CDK15: variants seen among roughly 807,000 people sequenced by gnomAD.
CDK15 encodes cyclin-dependent kinase 15.
In CDK15, 62 loss-of-function variants were observed where a neutral mutation model predicts 60.3. The ratio of observed to expected loss-of-function variants is 1.03; its 90% CI spans 0.84 to 1.27. CDK15 has a LOEUF of 1.27. CDK15 is among the 50% of genes most tolerant of loss of function. CDK15 has a pLI of 0.00. For synonymous variants in CDK15, 194 were observed against 195.7 expected, an observed-to-expected ratio of 0.99 and a Z score of 0.07; for missense variants, 541 against 527.8, an observed-to-expected ratio of 1.03 and a Z score of -0.25.
chr2:201,810,837 CTTTTTTT>C (rs199591982), intron 3 of CDK15, among the ~76,000 whole-genome samples: 26 of 123,640 alleles, frequency 2.1e-4, no homozygotes, highest in South Asian at 4.7e-4. Flanking sequence ...GGTATGCACT[CTTTTTTT>C]TTTTTTTTTT....
intron 12 of CDK15, among the ~76,000 whole-genome samples, chr2:201,881,138 A>G (rs775947185): frequency 9.2e-5 from 14 of 152,116 alleles, no homozygotes; most frequent in East Asian, 1.9e-4. Flanking sequence ...CTACTGCCCA[A>G]GAGGTGTGGA....
chr2:201,891,816 C>G (rs1163613105), intron 13 of CDK15, among the ~76,000 whole-genome samples: 1 of 152,134 alleles, frequency 6.6e-6, no homozygotes, highest in Admixed American at 6.5e-5. Context: ...CCAGCCTGCC[C>G]GCCCTTTAGG....
At chr2:201,820,555 C>T (rs1696175050) in intron 4 of CDK15, among the ~76,000 whole-genome samples, 1 of 152,212 alleles carries the variant, frequency 6.6e-6, no homozygotes. Flanking sequence ...GGTTGAGATA[C>T]TCTCCAGAGC....
At chr2:201,852,217 C>T (rs1407212956) in intron 9 of CDK15, among the ~76,000 whole-genome samples, 1 of 152,246 alleles carries the variant, frequency 6.6e-6, no homozygotes, top group East Asian at 1.9e-4. Flanking sequence ...TTGTGTTTTA[C>T]TAAACGTAGC....
chr2:201,812,055 TC>T (rs1695792288), intron 3 of CDK15, among the ~76,000 whole-genome samples: 1 of 151,422 alleles, frequency 6.6e-6, no homozygotes, highest in Non-Finnish European at 1.5e-5. Flanking sequence ...TCCCCTGTAA[TC>T]CCAGCTTCTT....
chr2:201,822,604 A>G (rs543049884), intron 4 of CDK15, among the ~76,000 whole-genome samples: 4 of 152,250 alleles, frequency 2.6e-5, no homozygotes, highest in African/African-American at 9.6e-5. Flanking sequence ...TGTAGAAACA[A>G]TAAGTTGCAA....
chr2:201,812,635 T>C, intron 4 of CDK15, 73 bp downstream of exon 4: 2 of 914,320 alleles, frequency 2.2e-6, no homozygotes, highest in South Asian at 3.1e-5. Context: ...ATTGCATTGA[T>C]CCATTCAGCA....
intron 10 of CDK15, among the ~76,000 whole-genome samples, chr2:201,869,891 G>A (rs1002565558): frequency 3.3e-5 from 5 of 152,208 alleles, no homozygotes; most frequent in Non-Finnish European, 7.3e-5. Flanking sequence ...GCAGAAAGTG[G>A]TTTGAAGAGA....
intron 8 of CDK15, among the ~76,000 whole-genome samples, chr2:201,836,150 TATTTTATATA>T (rs1183111344): frequency 1.4e-5 from 1 of 72,528 alleles, no homozygotes; most frequent in Non-Finnish European, 3.0e-5. Context: ...ATATTATATA[TATTTTATATA>T]TTTATATATT....
Position 201,815,309 on chromosome 2 carries a change from A to G in CDK15, c.448+2747A>G, listed in dbSNP as rs533178526. On this transcript the variant is annotated intron_variant, in intron 4 of 13. Coordinates refer to ENST00000652192, the MANE Select transcript of CDK15 (RefSeq NM_001366386.2). ...TAGATATTATTAATATTATTCCACT[A>G]TATGGTGGTGATTCAAACCAAATCT... Among the ~76,000 whole-genome samples the G allele has an allele frequency of 2.7e-4, 41 of 152,312 alleles. No individual in the cohort carries two copies. In the South Asian group the frequency reaches 2.9e-3, roughly 11 times the overall value.
At position 201,880,188 on chromosome 2, in the gene CDK15, GTGTGCGTGAGTGCA is replaced by G. The variant is rs556164586; in HGVS notation, c.1198+35_1198+48del. ...TGATGGTGAGCGAGGGAGTGTGTGC[GTGTGCGTGAGTGCA>G]TGTGCGTGAGTGCGTGTGTGTGTAA... On this transcript the variant is annotated intron_variant, in intron 12 of 13. Transcript: ENST00000652192. The G allele has an allele frequency of 2.8e-4, 446 of 1,613,042 alleles. 1 individual carries two copies. The African/African-American group carries it at 4.9e-3, about 18-fold the overall frequency.
intron 9 of CDK15, 58 bp downstream of exon 9, chr2:201,847,532 A>G (rs1165040168): frequency 1.3e-5 from 19 of 1,472,384 alleles, no homozygotes; most frequent in Non-Finnish European, 1.7e-5. Flanking sequence ...TTTTGAACCA[A>G]ATTTGCCTTA....
At chr2:201,876,512 C>A in intron 11 of CDK15, 1 of 1,170,090 alleles carries the variant, frequency 8.5e-7, no homozygotes, top group Non-Finnish European at 1.1e-6. Flanking sequence ...CCGACACACA[C>A]TTGGCTCCTA....
In CDK15 at chr2:201,808,817, G is replaced by A. The variant is rs999730562; in HGVS notation, c.368+865G>A. 2 of 151,746 alleles carry A rather than the reference G, an allele frequency of 1.3e-5. 1 individual carries two copies. Among genetic ancestry groups the A allele is most frequent in the Admixed American group, 1.3e-4 (2 of 15,240 alleles). The allele number at this position is 151,746 out of a possible 1,614,324, so 9.4% of individuals were successfully genotyped here. The stretch of plus-strand genomic sequence containing the variant: ...GAAAAATTTTATATAACTACTACAA[G>A]ACTAAATATTTATTATTTATCTTAG... On this transcript the variant is annotated intron_variant, in intron 3 of 13. Transcript: ENST00000652192.
chr2:201,860,939 T>C (rs1698368510), intron 10 of CDK15: 1 of 1,285,238 alleles, frequency 7.8e-7, no homozygotes, highest in African/African-American at 1.5e-5. Context: ...TATTCTGCTT[T>C]GGGCTCAATG....
rs1431515221 is a variant in CDK15 at position 201,807,857 on chromosome 2, G to A, written c.274-1G>A. 1 of 1,613,142 alleles carries A rather than the reference G, an allele frequency of 6.2e-7. No individual in the cohort carries two copies. The highest frequency in any genetic ancestry group is 1.7e-5 in the Admixed American group (1 of 59,800). Reference sequence around the variant, plus strand: ...TCCTTTTCCCCATTCCCCTAGAGCAGAGGAAGAGCCTCCCTTTTGGGGCAG... The same window carrying A: ...TCCTTTTCCCCATTCCCCTAGAGCAAAGGAAGAGCCTCCCTTTTGGGGCAG... On this transcript the variant is annotated splice_acceptor_variant, in intron 2 of 13. Coordinates refer to ENST00000652192, the MANE Select transcript of CDK15 (RefSeq NM_001366386.2). LOFTEE classifies it high-confidence loss of function.
intron 10 of CDK15, chr2:201,861,213 T>A: frequency 6.9e-6 from 7 of 1,015,060 alleles, no homozygotes; most frequent in Non-Finnish European, 8.3e-6. Context: ...GGAGAAATCC[T>A]ATCATTGTAA....
chr2:201,853,163 C>G (rs190161343), intron 9 of CDK15, among the ~76,000 whole-genome samples: 1 of 152,144 alleles, frequency 6.6e-6, no homozygotes, highest in South Asian at 2.1e-4. Flanking sequence ...CTGGCCTTCT[C>G]CCACAAAAGA....
intron 12 of CDK15, among the ~76,000 whole-genome samples, chr2:201,884,884 C>T (rs554326159): frequency 3.9e-5 from 6 of 152,130 alleles, no homozygotes; most frequent in Middle Eastern, 3.2e-3. Flanking sequence ...AAAGAGCTTA[C>T]GGTCCTTTAG....
Sources: gnomAD v4.1 joint callset for allele counts (sites outside exome capture counted in the v4.1 genomes callset) on GRCh38, gnomAD v4.1.1 for gene constraint, MANE v1.5 for transcripts, NCBI Gene and HGNC (gene_info 2026-07-23, HGNC 2026-07-21) for gene names.